Variants in C8orf34 observed in about 807,000 individuals in gnomAD.
C8orf34 encodes uncharacterized protein C8orf34.
A neutral mutation model predicts 68.3 loss-of-function variants in C8orf34; 65 were observed. The observed-to-expected ratio is 0.95, with a 90% confidence interval of 0.78 to 1.17. C8orf34 has a LOEUF of 1.17. C8orf34 is among the 50% of genes most tolerant of loss of function. The pLI, the probability that C8orf34 is intolerant of heterozygous loss-of-function variation, is 0.00. For synonymous variants in C8orf34, 244 were observed against 241.2 expected (o/e 1.01, Z -0.11); for missense variants, 664 against 655.4 (o/e 1.01, Z -0.14).
intron 3 of C8orf34, among the ~76,000 whole-genome samples, chr8:68,466,160 G>T (rs1048756003): frequency 6.6e-6 from 1 of 151,870 alleles, no homozygotes; most frequent in African/African-American, 2.4e-5. Flanking sequence ...AGTTATATGT[G>T]GGAGCCAATA....
At chr8:68,381,408 A>G (rs1249908076) in intron 1 of C8orf34, among the ~76,000 whole-genome samples, 1 of 152,192 alleles carries the variant, frequency 6.6e-6, no homozygotes, top group Non-Finnish European at 1.5e-5. Flanking sequence ...CACCACTTGT[A>G]TCTAATGTTT....
intron 7 of C8orf34, chr8:68,625,715 A>G (rs929821577): frequency 3.3e-6 from 2 of 613,060 alleles, no homozygotes; most frequent in Admixed American, 5.2e-5. Context: ...GTTGGCAACT[A>G]TGGCCAATAT....
chr8:68,375,724 T>A (rs942727403), intron 1 of C8orf34, among the ~76,000 whole-genome samples: 1 of 152,218 alleles, frequency 6.6e-6, no homozygotes, highest in Non-Finnish European at 1.5e-5. Flanking sequence ...TATGTGTGTG[T>A]CTTACCTTGA....
intron 1 of C8orf34, among the ~76,000 whole-genome samples, chr8:68,411,219 C>A (rs1364028856): frequency 6.6e-6 from 1 of 152,178 alleles, no homozygotes; most frequent in Admixed American, 6.5e-5. Flanking sequence ...AAGCCAATAT[C>A]TATTCAGCTT....
At position 68,577,844 on chromosome 8, in the gene C8orf34, TA is replaced by T. The variant is rs577935003; in HGVS notation, c.1105+44704del. Among the ~76,000 whole-genome samples, 640 of 150,344 alleles carry T rather than the reference TA, an allele frequency of 4.3e-3. 6 individuals carry two copies. The highest frequency in any genetic ancestry group is 0.015 in the African/African-American group (597 of 40,988). On this transcript the variant is annotated intron_variant, in intron 7 of 13. Transcript: ENST00000518698. ...AAAACCTTACTTTTGTATTTCTGCT[TA>T]AAAAAAAACTTTCTGTGAAATTTAA...
At chr8:68,678,894 CAA>C (rs917722187) in intron 8 of C8orf34, among the ~76,000 whole-genome samples, 4 of 131,346 alleles carry the variant, frequency 3.0e-5, no homozygotes, top group Non-Finnish European at 6.5e-5. Context: ...AACTGATAAA[CAA>C]AGTCAGTAAA....
chr8:68,458,449 T>A (rs1347895233), intron 3 of C8orf34, among the ~76,000 whole-genome samples: 4 of 151,752 alleles, frequency 2.6e-5, no homozygotes, highest in African/African-American at 7.3e-5. Context: ...GACTAGAATT[T>A]AAAAAAAACC....
chr8:68,470,608 C>T (rs7341644), intron 4 of C8orf34, among the ~76,000 whole-genome samples: 62,883 of 151,834 alleles, frequency 0.41, 13,689 homozygotes, highest in East Asian at 0.58. Context: ...ATACTGTAGC[C>T]TGAGTGACTT....
At chr8:68,576,613 C>T (rs1816913973) in intron 7 of C8orf34, among the ~76,000 whole-genome samples, 1 of 148,516 alleles carries the variant, frequency 6.7e-6, no homozygotes, top group South Asian at 2.1e-4. Flanking sequence ...TGAAAATTTA[C>T]AGTTCTTATT....
intron 7 of C8orf34, among the ~76,000 whole-genome samples, chr8:68,536,358 CAAAAAAAAA>C (rs10696903): frequency 1.0e-4 from 5 of 49,226 alleles, no homozygotes; most frequent in African/African-American, 1.7e-4. Context: ...GACCCTATCT[CAAAAAAAAA>C]AAAAAAAAAA....
intron 8 of C8orf34, among the ~76,000 whole-genome samples, chr8:68,689,760 A>G (rs748830073): frequency 6.6e-5 from 10 of 152,006 alleles, no homozygotes; most frequent in Admixed American, 2.0e-4. Context: ...TTTGGGTTCT[A>G]TCTGCTTCCT....
chr8:68,541,013 C>A (rs886210164), intron 7 of C8orf34, among the ~76,000 whole-genome samples: 2 of 152,154 alleles, frequency 1.3e-5, no homozygotes, highest in Middle Eastern at 3.4e-3. Context: ...AGCTTCGCCA[C>A]CGACCCTAAT....
At chr8:68,708,876 A>T (rs1821250688) in intron 8 of C8orf34, 118 bp from the exon 9 acceptor site, 1 of 725,500 alleles carries the variant, frequency 1.4e-6, no homozygotes, top group Non-Finnish European at 2.4e-6. Flanking sequence ...TTCTATTTTG[A>T]ACATGCATAT....
At chr8:68,581,938 G>GCA (rs949435097) in intron 7 of C8orf34, among the ~76,000 whole-genome samples, 6 of 152,092 alleles carry the variant, frequency 3.9e-5, no homozygotes, top group African/African-American at 1.2e-4. Context: ...ATTTGGGAAA[G>GCA]CACACACACA....
chr8:68,686,286 G>T (rs553759967), intron 8 of C8orf34, among the ~76,000 whole-genome samples: 1 of 151,972 alleles, frequency 6.6e-6, no homozygotes, highest in Non-Finnish European at 1.5e-5. Flanking sequence ...ATTCTATGAG[G>T]CCACTATCAC....
intron 8 of C8orf34, among the ~76,000 whole-genome samples, chr8:68,675,070 A>G (rs780714737): frequency 1.5e-4 from 23 of 152,146 alleles, no homozygotes; most frequent in Non-Finnish European, 2.6e-4. Flanking sequence ...TCATTCAAAC[A>G]TGAAGGAGAA....
chr8:68,800,625 T>C (rs910553921), intron 12 of C8orf34, among the ~76,000 whole-genome samples: 1 of 152,186 alleles, frequency 6.6e-6, no homozygotes, highest in Non-Finnish European at 1.5e-5. Context: ...CTACTTCCTA[T>C]AAATGGATTG....
chr8:68,478,975 G>A (rs916407680), intron 4 of C8orf34, among the ~76,000 whole-genome samples: 1 of 152,144 alleles, frequency 6.6e-6, no homozygotes, highest in African/African-American at 2.4e-5. Context: ...ATAAGTTATT[G>A]TCATTAGTTG....
intron 7 of C8orf34, among the ~76,000 whole-genome samples, chr8:68,633,085 C>A (rs1818738719): frequency 6.6e-6 from 1 of 152,102 alleles, no homozygotes; most frequent in South Asian, 2.1e-4. Flanking sequence ...AACCAACAGC[C>A]CTTGTACCTA....
Sources: allele counts gnomAD v4.1 joint callset (sites outside exome capture counted in the v4.1 genomes callset), GRCh38; gene constraint gnomAD v4.1.1; transcripts MANE v1.5; gene names NCBI Gene and HGNC (gene_info 2026-07-23, HGNC 2026-07-21).